ARHGEF3: variants seen among roughly 807,000 people sequenced by gnomAD.
ARHGEF3 encodes the protein Rho guanine nucleotide exchange factor 3.
Under a neutral mutation model 63.2 loss-of-function variants are expected in ARHGEF3, and 28 were observed. That is an observed-to-expected ratio of 0.44 (90% CI 0.33 to 0.61). The LOEUF (loss-of-function observed/expected upper bound fraction) is 0.61. Among genes scored for constraint, ARHGEF3 ranks in the 20% least tolerant of loss-of-function variants. The pLI, the probability that ARHGEF3 is intolerant of heterozygous loss-of-function variation, is 0.03. For missense variants in ARHGEF3, 533 were observed against 659.3 expected (o/e 0.81, Z 2.10); for synonymous variants, 266 against 254.2 (o/e 1.05, Z -0.44).
chr3:56,992,841 T>G (rs1423452921), intron 2 of ARHGEF3, among the ~76,000 whole-genome samples: 2 of 152,176 alleles, frequency 1.3e-5, no homozygotes, highest in African/African-American at 4.8e-5. Context: ...ATTTTATTTT[T>G]TATTTTTTTG....
chr3:56,897,547 C>T (rs1380032374), intron 3 of ARHGEF3, among the ~76,000 whole-genome samples: 4 of 151,868 alleles, frequency 2.6e-5, no homozygotes, highest in Non-Finnish European at 5.9e-5. Flanking sequence ...CTTTCATTTC[C>T]AATCTATCTA....
At chr3:56,941,218 C>G (rs557356934) in intron 3 of ARHGEF3, among the ~76,000 whole-genome samples, 4 of 152,296 alleles carry the variant, frequency 2.6e-5, no homozygotes, top group African/African-American at 9.6e-5. Context: ...AGCACATGTT[C>G]TGTTTTTGAG....
chr3:56,884,680 G>A (rs531688951), intron 3 of ARHGEF3, among the ~76,000 whole-genome samples: 1 of 152,366 alleles, frequency 6.6e-6, no homozygotes, highest in African/African-American at 2.4e-5. Context: ...GAAGCCTCGA[G>A]AAGATGCTGA....
At chr3:57,067,752 C>T (rs550423373) in intron 1 of ARHGEF3, among the ~76,000 whole-genome samples, 118 of 150,376 alleles carry the variant, frequency 7.8e-4, no homozygotes, top group African/African-American at 2.7e-3. Context: ...GAGGCCGAGG[C>T]GGGCGGATCA....
At chr3:57,062,310 C>A (rs1219626284) in intron 1 of ARHGEF3, among the ~76,000 whole-genome samples, 1 of 152,162 alleles carries the variant, frequency 6.6e-6, no homozygotes, top group African/African-American at 2.4e-5. Context: ...GTTAGGATGA[C>A]CCTGAGGAAG....
At chr3:57,016,975 G>A (rs1398423302) in intron 2 of ARHGEF3, among the ~76,000 whole-genome samples, 1 of 151,182 alleles carries the variant, frequency 6.6e-6, no homozygotes, top group African/African-American at 2.5e-5. Flanking sequence ...GTGAGGCCTG[G>A]TGGGGGAGAG....
In ARHGEF3 at chr3:57,002,483, A is replaced by ATATATATATATATATATATATATGT; in HGVS notation, c.62+32604_62+32605insACATATATATATATATATATATATA. ...AGCACTATATATATATATATGTTAT[A>ATATATATATATATATATATATATGT]TATATATATATATGTTATATATATA... is the stretch of plus-strand genomic sequence containing the variant. On this transcript the variant is annotated intron_variant, in intron 2 of 12. Coordinates refer to the ARHGEF3 transcript ENST00000338458. Among the ~76,000 whole-genome samples, 15 of 40,698 alleles carry ATATATATATATATATATATATATGT rather than the reference A, an allele frequency of 3.7e-4. 2 individuals carry two copies. The highest frequency in any genetic ancestry group is 1.4e-3 in the East Asian group (2 of 1,474). 26.7% of individuals were successfully genotyped at this position (40,698 alleles called of 152,430 possible). A position where few individuals can be genotyped will look rare whatever the true frequency, so the allele number is the denominator to read the frequency against.
intron 7 of ARHGEF3, among the ~76,000 whole-genome samples, chr3:56,741,632 T>G (rs945196329): frequency 1.3e-5 from 2 of 149,274 alleles, no homozygotes; most frequent in African/African-American, 4.9e-5. Flanking sequence ...GCCTCCCAAG[T>G]AGCTGGGACT....
At chr3:57,069,199 G>A (rs1359114634) in intron 1 of ARHGEF3, among the ~76,000 whole-genome samples, 1 of 152,170 alleles carries the variant, frequency 6.6e-6, no homozygotes, top group Non-Finnish European at 1.5e-5. Context: ...AGGATTACAG[G>A]CGTGAGCCAC....
intron 4 of ARHGEF3, among the ~76,000 whole-genome samples, chr3:56,876,944 A>C (rs1212915596): frequency 6.6e-6 from 1 of 152,252 alleles, no homozygotes; most frequent in Non-Finnish European, 1.5e-5. Flanking sequence ...CTGGTCATGC[A>C]GTCGGAAGAG....
chr3:57,037,482 G>A (rs1704010017), intron 1 of ARHGEF3, among the ~76,000 whole-genome samples: 1 of 152,202 alleles, frequency 6.6e-6, no homozygotes, highest in South Asian at 2.1e-4. Flanking sequence ...AGGGATCAGG[G>A]CCTGCCTTTG....
chr3:56,832,000 A>C (rs2038948072), intron 4 of ARHGEF3, among the ~76,000 whole-genome samples: 1 of 152,204 alleles, frequency 6.6e-6, no homozygotes, highest in African/African-American at 2.4e-5. Context: ...CGTTCTTCCT[A>C]AATCAGGAGT....
At chr3:57,051,611 T>C (rs1357073790) in intron 1 of ARHGEF3, among the ~76,000 whole-genome samples, 3 of 152,246 alleles carry the variant, frequency 2.0e-5, no homozygotes, top group Non-Finnish European at 2.9e-5. Context: ...GGTACTGCTC[T>C]TGGTGCTTTG....
chr3:57,002,479 T>TTATATATATATATATATATATATATTTTA (rs1159985048), intron 2 of ARHGEF3, among the ~76,000 whole-genome samples: 1 of 39,472 alleles, frequency 2.5e-5, no homozygotes, highest in Non-Finnish European at 4.1e-5. Flanking sequence ...TATATATATG[T>TTATATATATATATATATATATATATTTTA]TATATATATA....
chr3:57,042,694 A>ATTTTTTT (rs1340824293), intron 1 of ARHGEF3, among the ~76,000 whole-genome samples: 9 of 41,878 alleles, frequency 2.1e-4, no homozygotes, highest in Admixed American at 7.6e-4. Context: ...ATATATATAT[A>ATTTTTTT]TATATATTTT....
chr3:57,007,072 T>A, intron 2 of ARHGEF3: 1 of 973,908 alleles, frequency 1.0e-6, no homozygotes, highest in South Asian at 1.7e-5. Flanking sequence ...GGGTGCTGAC[T>A]ATTAAGGTGT....
intron 2 of ARHGEF3, among the ~76,000 whole-genome samples, chr3:56,771,177 G>A (rs957039281): frequency 3.3e-5 from 5 of 151,864 alleles, no homozygotes; most frequent in South Asian, 2.1e-4. Flanking sequence ...ATTTCCACAT[G>A]TCAGATCCTC....
intron 4 of ARHGEF3, among the ~76,000 whole-genome samples, chr3:56,848,972 C>T (rs1382030640): frequency 2.0e-5 from 3 of 152,184 alleles, no homozygotes. Flanking sequence ...CCTGGCCCCA[C>T]TGAGGCATGT....
chr3:57,054,811 T>C (rs1479107681), intron 1 of ARHGEF3, among the ~76,000 whole-genome samples: 1 of 151,608 alleles, frequency 6.6e-6, no homozygotes, highest in Non-Finnish European at 1.5e-5. Context: ...CCACCATGCC[T>C]GGCTAATTTT....
Sources: gnomAD v4.1 joint callset for allele counts (sites outside exome capture counted in the v4.1 genomes callset) on GRCh38, gnomAD v4.1.1 for gene constraint, MANE v1.5 for transcripts, NCBI Gene and HGNC (gene_info 2026-07-23, HGNC 2026-07-21) for gene names.